The following FGF14 variants were observed in gnomAD, a reference collection of about 807,000 sequenced individuals.
The protein encoded by FGF14 is fibroblast growth factor 14.
FGF14 carries 5 observed loss-of-function variants against 25.5 expected under a neutral mutation model. The ratio of observed to expected loss-of-function variants is 0.20; its 90% CI spans 0.10 to 0.41. FGF14 has a LOEUF of 0.41. Ranked by LOEUF, FGF14 falls within the 10% of genes least tolerant of loss-of-function variation. The probability of loss-of-function intolerance (pLI) is 1.00; values close to 1 mark genes in which losing one functional copy is unlikely to be tolerated. For synonymous variants in FGF14, 138 were observed against 118.3 expected, an observed-to-expected ratio of 1.17 and a Z score of -1.08; for missense variants, 222 against 320.1, an observed-to-expected ratio of 0.69 and a Z score of 2.34.
intron 1 of FGF14, among the ~76,000 whole-genome samples, chr13:102,131,030 C>G (rs576111345): frequency 3.3e-5 from 5 of 152,178 alleles, no homozygotes; most frequent in Non-Finnish European, 1.5e-5. Flanking sequence ...GCATTGTGGA[C>G]AGTCAACACA....
At chr13:102,385,311 A>T (rs984424322) in intron 1 of FGF14, among the ~76,000 whole-genome samples, 1 of 152,172 alleles carries the variant, frequency 6.6e-6, no homozygotes, top group African/African-American at 2.4e-5. Flanking sequence ...TAAATATACC[A>T]CACATTTGGA....
At chr13:102,078,819 T>C (rs992490332) in intron 1 of FGF14, among the ~76,000 whole-genome samples, 1 of 152,218 alleles carries the variant, frequency 6.6e-6, no homozygotes. Flanking sequence ...GCAAAGAGTT[T>C]TAAGGAAGAA....
At chr13:101,957,023 T>A (rs2036559004) in intron 1 of FGF14, among the ~76,000 whole-genome samples, 1 of 152,156 alleles carries the variant, frequency 6.6e-6, no homozygotes, top group Non-Finnish European at 1.5e-5. Flanking sequence ...ATATTCAAGA[T>A]AATGTATAGA....
rs371985638 is a variant in FGF14 at position 101,838,651 on chromosome 13, TG to T, written c.408+30073del. On this transcript the variant is annotated intron_variant, in intron 3 of 4. Coordinates refer to ENST00000376143, the MANE Select transcript of FGF14 (RefSeq NM_004115.4). ...ATAAATAAGCAAGAAGTTCTGGCAC[TG>T]TGTCAAGTAGACCGAAAACAAAATC... Among the ~76,000 whole-genome samples, 4 of 152,172 alleles carry T rather than the reference TG, an allele frequency of 2.6e-5. No individual in the cohort carries two copies. The South Asian group carries it at 6.2e-4, about 24-fold the overall frequency.
chr13:102,258,141 C>G (rs953063161), intron 1 of FGF14, among the ~76,000 whole-genome samples: 1 of 152,180 alleles, frequency 6.6e-6, no homozygotes, highest in African/African-American at 2.4e-5. Context: ...TGTAAGACTT[C>G]TTCACTACCA....
chr13:101,715,414 A>C lies in FGF14; in HGVS notation c.*7417T>G, dbSNP rs1201592426. ...TTAGATGTCTCGCAGCTGCTTAATA[A>C]GATGTAATAATAACATCATTGCACA... On this transcript the variant is annotated 3_prime_UTR_variant, in exon 5 of 5. Coordinates refer to ENST00000376143, the MANE Select transcript of FGF14 (RefSeq NM_004115.4). 1 of 660,858 alleles carries C rather than the reference A, an allele frequency of 1.5e-6. No individual in the cohort carries two copies. Among genetic ancestry groups the C allele is most frequent in the Admixed American group, 2.5e-5 (1 of 40,690 alleles). The allele number at this position is 660,858 out of a possible 1,614,324, so 40.9% of individuals were successfully genotyped here.
intron 1 of FGF14, among the ~76,000 whole-genome samples, chr13:101,974,609 C>T (rs1257107159): frequency 6.6e-6 from 1 of 152,144 alleles, no homozygotes; most frequent in African/African-American, 2.4e-5. Flanking sequence ...GGGCCACTGT[C>T]CCCATCAAAT....
chr13:101,978,456 C>T (rs1407183321), intron 1 of FGF14, among the ~76,000 whole-genome samples: 1 of 152,172 alleles, frequency 6.6e-6, no homozygotes, highest in Non-Finnish European at 1.5e-5. Context: ...ATCCAAAAAA[C>T]ACTGTTATCA....
At chr13:102,226,799 A>C (rs1313250937) in intron 1 of FGF14, among the ~76,000 whole-genome samples, 1 of 152,162 alleles carries the variant, frequency 6.6e-6, no homozygotes, top group Non-Finnish European at 1.5e-5. Context: ...TAACACTGTC[A>C]GCACATTTTC....
At chr13:101,869,375 C>A (rs1214780928) in intron 2 of FGF14, among the ~76,000 whole-genome samples, 1 of 152,156 alleles carries the variant, frequency 6.6e-6, no homozygotes, top group Non-Finnish European at 1.5e-5. Context: ...CTAATCAAAA[C>A]TGAATGGCAT....
At chr13:102,013,119 C>T (rs964411543) in intron 1 of FGF14, among the ~76,000 whole-genome samples, 4 of 152,092 alleles carry the variant, frequency 2.6e-5, no homozygotes, top group African/African-American at 7.2e-5. Flanking sequence ...CATGCCACTG[C>T]ACTCCAGCCT....
intron 1 of FGF14, among the ~76,000 whole-genome samples, chr13:102,100,616 G>A (rs2044616242): frequency 1.3e-5 from 2 of 152,204 alleles, no homozygotes; most frequent in Admixed American, 1.3e-4. Context: ...TTGAGACTGG[G>A]CAAGACACAA....
chr13:102,123,993 T>A (rs2045845874), intron 1 of FGF14, among the ~76,000 whole-genome samples: 1 of 152,118 alleles, frequency 6.6e-6, no homozygotes, highest in Non-Finnish European at 1.5e-5. Context: ...TACATGTGAA[T>A]AAAAGATTTT....
intron 1 of FGF14, among the ~76,000 whole-genome samples, chr13:102,027,420 A>G (rs529563860): frequency 1.8e-4 from 27 of 152,094 alleles, no homozygotes; most frequent in South Asian, 8.3e-4. Flanking sequence ...AGGGGGATAC[A>G]TAAGCAAATT....
chr13:102,391,388 A>G (rs2058429721), intron 1 of FGF14, among the ~76,000 whole-genome samples: 1 of 152,212 alleles, frequency 6.6e-6, no homozygotes. Context: ...TCTGCCACAC[A>G]TGTACCAGAA....
At chr13:102,171,751 T>G (rs1231324096) in intron 1 of FGF14, among the ~76,000 whole-genome samples, 2 of 152,096 alleles carry the variant, frequency 1.3e-5, no homozygotes, top group South Asian at 2.1e-4. Flanking sequence ...AGTAAAACAT[T>G]TTTAATGCCA....
intron 1 of FGF14, among the ~76,000 whole-genome samples, chr13:102,335,814 C>T (rs976675296): frequency 4.6e-5 from 7 of 152,132 alleles, no homozygotes; most frequent in Non-Finnish European, 8.8e-5. Flanking sequence ...GTAATTCTTG[C>T]AATATTTCAA....
chr13:102,256,820 GTTTGAC>G (rs939994376), intron 1 of FGF14, among the ~76,000 whole-genome samples: 4 of 152,274 alleles, frequency 2.6e-5, no homozygotes, highest in African/African-American at 9.6e-5. Flanking sequence ...ATGTAGAACA[GTTTGAC>G]TTTAAGTTAT....
At position 101,712,906 on chromosome 13, in the gene FGF14, T is replaced by G. The variant is rs2034540525; in HGVS notation, c.*9925A>C. On this transcript the variant is annotated 3_prime_UTR_variant, in exon 5 of 5. Transcript: ENST00000376143. ...TGCAGACTGACCTGGGAGCAGCAGC[T>G]CACTGGGTCCTGAGAAACCACAGGG... 6.6e-6 allele frequency: 1 copy of G among 152,200 alleles called. No individual in the cohort carries two copies. The highest frequency in any genetic ancestry group is 2.4e-5 in the African/African-American group (1 of 41,448). 9.4% of individuals were successfully genotyped at this position (152,200 alleles called of 1,614,324 possible). A position where few individuals can be genotyped will look rare whatever the true frequency, so the allele number is the denominator to read the frequency against.
Sources: allele counts gnomAD v4.1 joint callset (sites outside exome capture counted in the v4.1 genomes callset), GRCh38; gene constraint gnomAD v4.1.1; transcripts MANE v1.5; gene names NCBI Gene and HGNC (gene_info 2026-07-23, HGNC 2026-07-21).